Variants in CRYBG3 observed in about 807,000 individuals in gnomAD.
CRYBG3 encodes the protein crystallin beta-gamma domain containing 3, also known as very large A-kinase anchor protein.
CRYBG3 carries 127 observed loss-of-function variants against 244.2 expected under a neutral mutation model. That is an observed-to-expected ratio of 0.52 (90% confidence interval 0.45 to 0.60). CRYBG3 has a LOEUF of 0.60. Among genes scored for constraint, CRYBG3 ranks in the 20% least tolerant of loss-of-function variants. The probability of loss-of-function intolerance (pLI) is 0.00; values close to 1 mark genes in which losing one functional copy is unlikely to be tolerated. For synonymous variants in CRYBG3, 1,132 were observed against 1,195.8 expected, an observed-to-expected ratio of 0.95 and a Z score of 1.10; for missense variants, 3,325 against 3,442.5, an observed-to-expected ratio of 0.97 and a Z score of 0.85.
rs566059797 is a variant in CRYBG3, at chr3:97,826,586, C to T, written c.149+4231C>T. ...TATTAAATAAAATGATAGCAACAAA[C>T]TGTAGGTGGTTGTAAAATTAAGGAA... On this transcript the variant is annotated intron_variant, in intron 1 of 21. Coordinates refer to ENST00000389622, the MANE Select transcript of CRYBG3 (RefSeq NM_153605.4). Among the ~76,000 whole-genome samples the T allele has an allele frequency of 7.2e-5, 11 of 152,174 alleles. No individual in the cohort carries two copies. In the South Asian group the frequency reaches 2.3e-3, roughly 32 times the overall value.
At chr3:97,842,666 GGAA>G (rs1234871407) in intron 1 of CRYBG3, among the ~76,000 whole-genome samples, 1 of 152,108 alleles carries the variant, frequency 6.6e-6, no homozygotes, top group Non-Finnish European at 1.5e-5. Flanking sequence ...TAACTATTTG[GGAA>G]ATCAGATTTT....
At chr3:97,856,243 C>T (rs895572407) in intron 2 of CRYBG3, among the ~76,000 whole-genome samples, 8 of 152,274 alleles carry the variant, frequency 5.3e-5, no homozygotes, top group Non-Finnish European at 7.4e-5. Flanking sequence ...AGCTCACCAG[C>T]GGTCAGAGTT....
chr3:97,877,368 A>G lies in CRYBG3; in HGVS notation c.6174A>G (p.Leu2058=). 1 of 1,614,148 alleles carries G rather than the reference A, an allele frequency of 6.2e-7. No homozygotes were observed. The highest frequency in any genetic ancestry group is 1.1e-5 in the South Asian group (1 of 91,080). The change falls in exon 4 of 22, where the codon TTA becomes TTG. Residue 2058 remains leucine, a synonymous_variant. Coordinates refer to ENST00000389622, the MANE Select transcript of CRYBG3 (RefSeq NM_153605.4). The part of the protein sequence containing the change: ...LVHHFEKGTK[L]GETFDSDSSE... The stretch of plus-strand genomic sequence containing the variant: ...ATCACTTTGAAAAAGGTACTAAATT[A>G]GGTGAGACATTTGATAGTGATAGTT...
Position 97,915,646 on chromosome 3 carries a change from T to C in CRYBG3, c.8151T>C (p.Asn2717=). 1 of 1,612,588 alleles carries C rather than the reference T, an allele frequency of 6.2e-7. No homozygotes were observed. Among genetic ancestry groups the C allele is most frequent in the Middle Eastern group, 1.7e-4 (1 of 6,058 alleles). The change falls in exon 17 of 22, where the codon AAT becomes AAC. Residue 2717 remains asparagine, a synonymous_variant. Coordinates refer to ENST00000389622, the MANE Select transcript of CRYBG3 (RefSeq NM_153605.4). The part of the protein sequence containing the change: ...LLYYQEDMFV[N]HCVLEEGLYA... The stretch of plus-strand genomic sequence containing the variant: ...ATTACCAAGAAGACATGTTTGTTAA[T>C]CACTGTGTGTTAGAAGAAGGCCTCT...
At chr3:97,889,099 A>G (rs890777010) in intron 9 of CRYBG3, among the ~76,000 whole-genome samples, 4 of 152,168 alleles carry the variant, frequency 2.6e-5, no homozygotes, top group Non-Finnish European at 4.4e-5. Flanking sequence ...TTCCTTCCTC[A>G]TAGTAGTTGT....
intron 17 of CRYBG3, among the ~76,000 whole-genome samples, chr3:97,922,399 G>T (rs1459436016): frequency 6.6e-6 from 1 of 152,118 alleles, no homozygotes; most frequent in Non-Finnish European, 1.5e-5. Context: ...GAGTGAGCAG[G>T]CAACCTACAG....
chr3:97,837,332 C>T (rs879368381), intron 1 of CRYBG3, among the ~76,000 whole-genome samples: 1 of 151,928 alleles, frequency 6.6e-6, no homozygotes, highest in African/African-American at 2.4e-5. Flanking sequence ...GAGGAACATG[C>T]CAGGAAGGAA....
intron 15 of CRYBG3, among the ~76,000 whole-genome samples, chr3:97,904,509 C>A (rs1417361115): frequency 6.6e-6 from 1 of 152,050 alleles, no homozygotes; most frequent in African/African-American, 2.4e-5. Flanking sequence ...GCTTCACTGG[C>A]AGTATCAGTA....
At position 97,872,236 on chromosome 3, in the gene CRYBG3, C is replaced by G. The variant is rs1559726685; in HGVS notation, c.1042C>G (p.Pro348Ala). 6.5e-7 allele frequency: 1 copy of G among 1,535,686 alleles called. No individual in the cohort carries two copies. Among genetic ancestry groups the G allele is most frequent in the Non-Finnish European group, 8.7e-7 (1 of 1,146,748 alleles). ...WGSIERNRSS[P>A]SSVTNSSYDG... ...GAGTATTGAGAGAAATAGGTCATCC[C>G]CTTCTTCTGTGACTAACTCCAGCTA... Residue 348 changes from proline (P) to alanine (A), a missense_variant, in exon 4 of 22, where the codon CCT (proline) becomes GCT (alanine). Physicochemically the swap from Pro to Ala is conservative, Grantham distance 27. This residue lies in a region of CRYBG3 where 1,526 missense variants were observed against 1,443.2 expected (regional missense o/e 1.06). Transcript: ENST00000389622.
rs2039381811 is a variant in CRYBG3, at chr3:97,876,930, A to G, written c.5736A>G (p.Thr1912=). 1.4e-6 allele frequency: 2 copies of G among 1,476,916 alleles called. No individual in the cohort carries two copies. Among genetic ancestry groups the G allele is most frequent in the Non-Finnish European group, 1.8e-6 (2 of 1,114,486 alleles). The allele number at this position is 1,476,916 out of a possible 1,614,324, so 91.5% of individuals were successfully genotyped here. The change falls in exon 4 of 22, where the codon ACA becomes ACG. Residue 1912 remains threonine (T), a synonymous_variant. Coordinates refer to ENST00000389622, the MANE Select transcript of CRYBG3 (RefSeq NM_153605.4). ...GSVEETKEEP[T]EIKEGLIAHE... ...TTGAAGAAACAAAGGAAGAGCCTAC[A>G]GAAATAAAGGAAGGCTTGATAGCAC...
intron 2 of CRYBG3, among the ~76,000 whole-genome samples, chr3:97,862,458 A>G (rs2039164471): frequency 6.6e-6 from 1 of 152,200 alleles, no homozygotes; most frequent in African/African-American, 2.4e-5. Context: ...CTTATAGAAA[A>G]GAATTAATTA....
Position 97,912,154 on chromosome 3 carries a change from G to T in CRYBG3, c.8005-13G>T. ...TTTTTTTCTATTTAACTGTTGTGTT[G>T]TTGTTCTTGTAGCTCAAAGCATTCA... On this transcript the variant is annotated splice_polypyrimidine_tract_variant and intron_variant, in intron 15 of 21. Transcript: ENST00000389622. 1 of 1,463,608 alleles carries T rather than the reference G, an allele frequency of 6.8e-7. No homozygotes were observed. The highest frequency in any genetic ancestry group is 9.4e-7 in the Non-Finnish European group (1 of 1,064,156). The allele number at this position is 1,463,608 out of a possible 1,614,324, so 90.7% of individuals were successfully genotyped here.
chr3:97,908,263 C>G (rs1315875262), intron 15 of CRYBG3, among the ~76,000 whole-genome samples: 1 of 152,114 alleles, frequency 6.6e-6, no homozygotes, highest in Non-Finnish European at 1.5e-5. Flanking sequence ...TCTATTAGGT[C>G]CGCTTGGTGC....
chr3:97,876,279 A>G lies in CRYBG3; in HGVS notation c.5085A>G (p.Gln1695=). 1 of 1,231,940 alleles carries G rather than the reference A, an allele frequency of 8.1e-7. No homozygotes were observed. Among genetic ancestry groups the G allele is most frequent in the Non-Finnish European group, 1.0e-6 (1 of 987,890 alleles). 76.3% of individuals were successfully genotyped at this position (1,231,940 alleles called of 1,614,324 possible). Reference sequence around the variant, plus strand: ...TGTCAGAAGTGGAAAATATCCACCAAAAAGGTGGTGAAGGGATTAGTGAAA... The same window carrying G: ...TGTCAGAAGTGGAAAATATCCACCAGAAAGGTGGTGAAGGGATTAGTGAAA... ...IALSEVENIH[Q]KGGEGISEKA... is the part of the protein sequence containing the mutation. Residue 1695 remains glutamine (Q), a synonymous_variant, in exon 4 of 22, where the codon CAA becomes CAG. Transcript: ENST00000389622.
chr3:97,860,646 T>C (rs1225858933), intron 2 of CRYBG3, among the ~76,000 whole-genome samples: 1 of 152,164 alleles, frequency 6.6e-6, no homozygotes, highest in Non-Finnish European at 1.5e-5. Flanking sequence ...AGTCCTCATC[T>C]TTCTTGAGCT....
rs371001126 is a variant in CRYBG3 at position 97,886,711 on chromosome 3, C to T, written c.7233C>T (p.Pro2411=). 156 of 1,612,406 alleles carry T rather than the reference C, an allele frequency of 9.7e-5. No homozygotes were observed. The African/African-American group carries it at 1.6e-3, about 17-fold the overall frequency. Reference sequence around the variant, plus strand: ...CTGTCTACATACAGAGAGCAGTCCCCAATTTGGAAGAACTGAATATCTCCA... The same window carrying T: ...CTGTCTACATACAGAGAGCAGTCCCTAATTTGGAAGAACTGAATATCTCCA... ...CCPVYIQRAV[P]NLEELNISKS... The change falls in exon 8 of 22, where the codon CCC becomes CCT. Residue 2411 remains proline, a synonymous_variant. Transcript: ENST00000389622.
intron 17 of CRYBG3, among the ~76,000 whole-genome samples, chr3:97,931,506 T>G (rs2040096415): frequency 6.6e-6 from 1 of 152,092 alleles, no homozygotes. Context: ...ATGGCTCTAG[T>G]TATTACCCAG....
intron 17 of CRYBG3, 117 bp downstream of exon 17, chr3:97,915,853 A>G (rs2039923322): frequency 6.2e-6 from 5 of 809,438 alleles, no homozygotes; most frequent in Non-Finnish European, 9.1e-6. Context: ...AAAATCTGAA[A>G]AATATGAATA....
chr3:97,938,033 G>C (rs1488654067), intron 19 of CRYBG3, among the ~76,000 whole-genome samples: 1 of 152,012 alleles, frequency 6.6e-6, no homozygotes, highest in Non-Finnish European at 1.5e-5. Context: ...AGGTTTCATG[G>C]AAGGTGGAAA....
Sources: allele counts gnomAD v4.1 joint callset (sites outside exome capture counted in the v4.1 genomes callset), GRCh38; gene constraint gnomAD v4.1.1; regional missense constraint gnomAD v4.1.1; transcripts MANE v1.5; gene names NCBI Gene and HGNC (gene_info 2026-07-23, HGNC 2026-07-21).